ZNF521: variants seen among roughly 807,000 people sequenced by gnomAD.
ZNF521 encodes the protein zinc finger protein 521.
ZNF521 carries 14 observed loss-of-function variants against 105.5 expected under a neutral mutation model. The ratio of observed to expected loss-of-function variants is 0.13; its 90% CI spans 0.09 to 0.21. ZNF521 has a LOEUF of 0.21. ZNF521 is among the 10% of genes least tolerant of loss of function. The probability of loss-of-function intolerance (pLI) is 1.00; values close to 1 mark genes in which losing one functional copy is unlikely to be tolerated. For missense variants in ZNF521, 1,233 were observed against 1,629.7 expected (o/e 0.76, Z 4.19); for synonymous variants, 635 against 606.0 (o/e 1.05, Z -0.70).
chr18:25,324,342 G>A (rs757060161), intron 2 of ZNF521, among the ~76,000 whole-genome samples: 8 of 151,672 alleles, frequency 5.3e-5, no homozygotes, highest in Non-Finnish European at 1.2e-4. Context: ...TGATACTACA[G>A]GACCCACCAC....
intron 3 of ZNF521, among the ~76,000 whole-genome samples, chr18:25,289,643 C>G (rs1910902383): frequency 6.6e-6 from 1 of 152,214 alleles, no homozygotes. Context: ...CTTTCCCTAA[C>G]CAACGCATTC....
intron 5 of ZNF521, among the ~76,000 whole-genome samples, chr18:25,188,263 T>C (rs2035760098): frequency 6.6e-6 from 1 of 152,140 alleles, no homozygotes; most frequent in Admixed American, 6.5e-5. Flanking sequence ...GGCATAATTC[T>C]AAAGGTGACC....
rs10540123 is a variant in ZNF521 at position 25,062,752 on chromosome 18, C to CAAAAA, written c.3907-16_3907-12dup. ...GGTCATTGTATGATTCTGTAAATAA[C>CAAAAA]AAAAAAAAAAAAAAAAAAAAAAAAA... On this transcript the variant is annotated splice_polypyrimidine_tract_variant and intron_variant, in intron 7 of 7. Transcript: ENST00000361524. 0.01 allele frequency: 3,667 copies of CAAAAA among 364,996 alleles called. 228 individuals are homozygous for CAAAAA. Among genetic ancestry groups the CAAAAA allele is most frequent in the South Asian group, 0.016 (466 of 30,052 alleles). 22.6% of individuals were successfully genotyped at this position (364,996 alleles called of 1,614,324 possible). A position where few individuals can be genotyped will look rare whatever the true frequency, so the allele number is the denominator to read the frequency against.
chr18:25,227,189 C>T lies in ZNF521; in HGVS notation c.729G>A (p.Lys243=). Residue 243 remains lysine, a synonymous_variant, in exon 4 of 8, where the codon AAG becomes AAA. Coordinates refer to ENST00000361524, the MANE Select transcript of ZNF521 (RefSeq NM_015461.3). The surrounding 1 kb of genome is among the most constrained non-coding windows in gnomAD (Gnocchi z 5.7). The part of the protein sequence containing the change: ...SGSRMEDWKM[K]DTQKCSQCEE... ...CACACTGACTGCACTTCTGAGTGTC[C>T]TTCATCTTCCAGTCCTCCATCCTGG... 1 of 1,614,150 alleles carries T rather than the reference C, an allele frequency of 6.2e-7. No individual in the cohort carries two copies. Among genetic ancestry groups the T allele is most frequent in the Non-Finnish European group, 8.5e-7 (1 of 1,180,018 alleles).
chr18:25,198,714 A>C (rs541693970), intron 4 of ZNF521, among the ~76,000 whole-genome samples: 68 of 152,020 alleles, frequency 4.5e-4, no homozygotes, highest in Non-Finnish European at 8.3e-4. Context: ...TGCTTTTTTA[A>C]GGAGGAAGTG....
Position 25,195,333 on chromosome 18 carries a change from CT to C in ZNF521, c.3574-90del, listed in dbSNP as rs1198174355. 99 of 1,061,440 alleles carry C rather than the reference CT, an allele frequency of 9.3e-5. No homozygotes were observed. The South Asian group carries it at 1.3e-3, about 14-fold the overall frequency. 65.8% of individuals were successfully genotyped at this position (1,061,440 alleles called of 1,614,324 possible). A position where few individuals can be genotyped will look rare whatever the true frequency, so the allele number is the denominator to read the frequency against. On this transcript the variant is annotated intron_variant, in intron 4 of 7. Coordinates refer to ENST00000361524, the MANE Select transcript of ZNF521 (RefSeq NM_015461.3). Reference sequence around the variant, plus strand: ...AAAAACATTTTTCTGAGATGCTGATCTTACCTATGTTGCTAAGGAACAAACT... The same window carrying C: ...AAAAACATTTTTCTGAGATGCTGATCTACCTATGTTGCTAAGGAACAAACT...
At chr18:25,089,641 T>C (rs1001668005) in intron 6 of ZNF521, 61 bp from the exon 7 acceptor site, 6 of 1,348,990 alleles carry the variant, frequency 4.4e-6, no homozygotes, top group Non-Finnish European at 6.4e-6. Context: ...CCTCAGTCGA[T>C]GACTCTGCAT....
intron 5 of ZNF521, among the ~76,000 whole-genome samples, chr18:25,136,527 T>A (rs2144415025): frequency 6.6e-6 from 1 of 152,260 alleles, no homozygotes; most frequent in East Asian, 1.9e-4. Flanking sequence ...TTATCAATGA[T>A]CAGTTTTATT....
chr18:25,120,569 G>A (rs1459816873), intron 5 of ZNF521, among the ~76,000 whole-genome samples: 3 of 126,990 alleles, frequency 2.4e-5, no homozygotes, highest in African/African-American at 9.3e-5. Flanking sequence ...GGCAACAAGA[G>A]CAAAACTCCA....
chr18:25,259,231 T>C (rs1408858820), intron 3 of ZNF521, among the ~76,000 whole-genome samples: 2 of 152,208 alleles, frequency 1.3e-5, no homozygotes, highest in Non-Finnish European at 2.9e-5. Context: ...AAAGGCAGGT[T>C]ACTCCTCGCC....
intron 5 of ZNF521, among the ~76,000 whole-genome samples, chr18:25,171,983 T>G (rs1392112185): frequency 6.6e-6 from 1 of 151,630 alleles, no homozygotes; most frequent in Non-Finnish European, 1.5e-5. Flanking sequence ...TTGCAGCATA[T>G]AAGTTGATAC....
chr18:25,092,757 G>C (rs1351732358), intron 5 of ZNF521, among the ~76,000 whole-genome samples: 1 of 152,074 alleles, frequency 6.6e-6, no homozygotes, highest in Non-Finnish European at 1.5e-5. Flanking sequence ...CACTTGACTA[G>C]CCCTGAATTT....
chr18:25,309,748 C>T (rs951204907), intron 3 of ZNF521, among the ~76,000 whole-genome samples: 1 of 151,842 alleles, frequency 6.6e-6, no homozygotes. Flanking sequence ...GTCTGTCAAC[C>T]TGATAATTTA....
At chr18:25,118,217 T>A (rs1333029738) in intron 5 of ZNF521, among the ~76,000 whole-genome samples, 3 of 152,022 alleles carry the variant, frequency 2.0e-5, no homozygotes, top group Non-Finnish European at 4.4e-5. Context: ...AGAAGGAAGG[T>A]GAAATTAAAA....
rs760536573 is a variant in ZNF521 at position 25,224,480 on chromosome 18, C to T, written c.3438G>A (p.Lys1146=). Reference sequence around the variant, plus strand: ...TCTGGAGTTCACTTTCAGACTCAAACTTAACGTTGCAGCTAGAGCAGCGTG... The same window carrying T: ...TCTGGAGTTCACTTTCAGACTCAAATTTAACGTTGCAGCTAGAGCAGCGTG... ...LKTRCSSCNV[K]FESESELQNH... Residue 1146 remains lysine (K), a synonymous_variant, in exon 4 of 8, where the codon AAG becomes AAA. Coordinates refer to ENST00000361524, the MANE Select transcript of ZNF521 (RefSeq NM_015461.3). 3.7e-6 allele frequency: 6 copies of T among 1,613,960 alleles called. No homozygotes were observed. In the Admixed American group the frequency reaches 1.0e-4, roughly 27 times the overall value.
Position 25,226,355 on chromosome 18 carries a change from C to A in ZNF521, c.1563G>T (p.Gly521=), listed in dbSNP as rs1044497907. The part of the protein sequence containing the change: ...NAFFCPHCYM[G]FLTDSSLEEH... ...CTTCCAGGGAAGAGTCAGTGAGAAA[C>A]CCCATATAGCAATGGGGACAAAAGA... The change falls in exon 4 of 8, where the codon GGG becomes GGT. Residue 521 remains glycine (G), a synonymous_variant. Coordinates refer to ENST00000361524, the MANE Select transcript of ZNF521 (RefSeq NM_015461.3). This position sits in a 1 kb window ranked among gnomAD's most constrained non-coding sequence, Gnocchi z 4.1. The A allele has an allele frequency of 7.4e-6, 12 of 1,614,064 alleles. No homozygotes were observed. Among genetic ancestry groups the A allele is most frequent in the Non-Finnish European group, 1.0e-5 (12 of 1,180,034 alleles).
At chr18:25,273,374 A>G (rs1600242173) in intron 3 of ZNF521, 1 of 152,160 alleles carries the variant, frequency 6.6e-6, no homozygotes, top group South Asian at 2.1e-4. Context: ...CTCCAATTCC[A>G]TATATATTTA....
intron 5 of ZNF521, among the ~76,000 whole-genome samples, chr18:25,111,788 T>C (rs1387815735): frequency 6.6e-6 from 1 of 152,238 alleles, no homozygotes; most frequent in African/African-American, 2.4e-5. Context: ...AGCACAGATG[T>C]CAGGCAAGCC....
intron 5 of ZNF521, among the ~76,000 whole-genome samples, chr18:25,127,504 G>A (rs1041798777): frequency 6.6e-6 from 1 of 151,702 alleles, no homozygotes; most frequent in Non-Finnish European, 1.5e-5. Flanking sequence ...AGGAAACTGA[G>A]GAAAAAGGAG....
Sources: allele counts gnomAD v4.1 joint callset (sites outside exome capture counted in the v4.1 genomes callset), GRCh38; gene constraint gnomAD v4.1.1; non-coding constraint Gnocchi (gnomAD v3.1); transcripts MANE v1.5; gene names NCBI Gene and HGNC (gene_info 2026-07-23, HGNC 2026-07-21).